Variants in TRIO observed in about 807,000 individuals in gnomAD.
TRIO encodes triple functional domain protein.
TRIO carries 58 observed loss-of-function variants against 351.9 expected under a neutral mutation model. That is an observed-to-expected ratio of 0.16 (90% CI 0.13 to 0.21). The LOEUF is 0.21. TRIO is among the 10% of genes least tolerant of loss of function. TRIO has a pLI of 1.00. For synonymous variants in TRIO, 1,758 were observed against 1,595.7 expected (o/e 1.10, Z -2.42); for missense variants, 3,201 against 4,027.8 (o/e 0.79, Z 5.56).
intron 9 of TRIO, among the ~76,000 whole-genome samples, chr5:14,319,780 A>G (rs1049433875): frequency 4.6e-5 from 7 of 152,200 alleles, no homozygotes; most frequent in African/African-American, 7.2e-5. Flanking sequence ...AAATATGTCT[A>G]TTAGTGGGCC....
rs1165416791 is a variant in TRIO, at chr5:14,275,898, G to A, written c.233-4424G>A. 3.4e-5 allele frequency among the ~76,000 whole-genome samples: 5 copies of A among 145,446 alleles called. No individual in the cohort carries two copies. In the East Asian group the frequency reaches 1.0e-3, roughly 29 times the overall value. ...TATATATATATGTTTATATATATGTGTTTATATATATGTCTATATGTATGT... is the reference window on the plus strand; with the variant it reads ...TATATATATATGTTTATATATATGTATTTATATATATGTCTATATGTATGT... On this transcript the variant is annotated intron_variant, in intron 2 of 56. Transcript: ENST00000344204.
intron 3 of TRIO, among the ~76,000 whole-genome samples, chr5:14,284,262 A>G (rs1736257727): frequency 6.6e-6 from 1 of 152,226 alleles, no homozygotes; most frequent in Non-Finnish European, 1.5e-5. Flanking sequence ...TAACTGGTTA[A>G]TAAGTCACAT....
At position 14,370,145 on chromosome 5, in the gene TRIO, G is replaced by A. The variant is rs548315362; in HGVS notation, c.3216+622G>A. ...TTTCTTTTTTTTTTTTTAATTCAGC[G>A]AAGGGGTCTCACTCTGTCACCCAGG... On this transcript the variant is annotated intron_variant, in intron 18 of 56. Transcript: ENST00000344204. 9.4e-5 allele frequency among the ~76,000 whole-genome samples: 14 copies of A among 149,592 alleles called. No individual in the cohort carries two copies. The East Asian group carries it at 1.2e-3, about 13-fold the overall frequency.
intron 34 of TRIO, among the ~76,000 whole-genome samples, chr5:14,445,056 A>AT (rs986497288): frequency 1.4e-4 from 22 of 152,230 alleles, no homozygotes; most frequent in African/African-American, 5.3e-4. Context: ...TCTTCACTAG[A>AT]TTTTGGGGGA....
chr5:14,221,124 A>G (rs1467566698), intron 1 of TRIO, among the ~76,000 whole-genome samples: 2 of 152,192 alleles, frequency 1.3e-5, no homozygotes, highest in African/African-American at 4.8e-5. Context: ...TACTCTGCCT[A>G]TGTTCTGTAC....
chr5:14,231,737 A>T (rs1297334172), intron 1 of TRIO, among the ~76,000 whole-genome samples: 1 of 152,240 alleles, frequency 6.6e-6, no homozygotes, highest in African/African-American at 2.4e-5. Context: ...TCAAAGTTAT[A>T]GAAAGTTACG....
At chr5:14,491,237 C>T (rs1402292907) in intron 48 of TRIO, among the ~76,000 whole-genome samples, 1 of 152,200 alleles carries the variant, frequency 6.6e-6, no homozygotes, top group Non-Finnish European at 1.5e-5. Context: ...CCGCCACCTG[C>T]TCCAGCGTGT....
chr5:14,174,229 A>AT (rs1259375450), intron 1 of TRIO, among the ~76,000 whole-genome samples: 1 of 152,228 alleles, frequency 6.6e-6, no homozygotes, highest in Non-Finnish European at 1.5e-5. Flanking sequence ...CTACGCTTTC[A>AT]GAGCCTCACT....
intron 19 of TRIO, among the ~76,000 whole-genome samples, chr5:14,376,316 T>C (rs750849460): frequency 1.3e-5 from 2 of 152,244 alleles, no homozygotes; most frequent in African/African-American, 4.8e-5. Context: ...TTTCATAAAC[T>C]TCTAGAGCAA....
chr5:14,236,779 C>T (rs1222866139), intron 1 of TRIO, among the ~76,000 whole-genome samples: 1 of 152,144 alleles, frequency 6.6e-6, no homozygotes, highest in Non-Finnish European at 1.5e-5. Flanking sequence ...GTATATTCAC[C>T]TACAGAGTTG....
chr5:14,345,670 C>T (rs975184700), intron 11 of TRIO, among the ~76,000 whole-genome samples: 7 of 152,168 alleles, frequency 4.6e-5, no homozygotes, highest in Non-Finnish European at 8.8e-5. Context: ...AAGCAGTTCT[C>T]CTGCCTCAGC....
chr5:14,502,650 C>T lies in TRIO; in HGVS notation c.8404C>T (p.Leu2802Phe). 2 of 1,614,180 alleles carry T rather than the reference C, an allele frequency of 1.2e-6. No homozygotes were observed. The highest frequency in any genetic ancestry group is 2.2e-5 in the South Asian group (2 of 91,080). ...FDSFYSEVAE[L>F]GRGRFSVVKK... ...CTCCTTCTACAGTGAAGTGGCTGAG[C>T]TTGGCAGGTATGATGCACAACCCAG... Residue 2802 changes from leucine (L) to phenylalanine (F), a missense_variant, in exon 54 of 57, where the codon CTT (leucine) becomes TTT (phenylalanine). This residue lies in a region of TRIO where 1,089 missense variants were observed against 954.9 expected (regional missense o/e 1.14). Coordinates refer to ENST00000344204, the MANE Select transcript of TRIO (RefSeq NM_007118.4).
chr5:14,403,691 A>G (rs1392950408), intron 31 of TRIO, among the ~76,000 whole-genome samples: 3 of 54,786 alleles, frequency 5.5e-5, no homozygotes, highest in South Asian at 6.7e-4. Flanking sequence ...GGTGGTGGTG[A>G]GGGTGTAGGT....
chr5:14,426,679 C>G (rs60706057), intron 34 of TRIO, among the ~76,000 whole-genome samples: 1 of 152,144 alleles, frequency 6.6e-6, no homozygotes, highest in Non-Finnish European at 1.5e-5. Flanking sequence ...AGCGAGTCTC[C>G]GCAGATGGCC....
At chr5:14,496,470 C>T (rs926079893) in intron 49 of TRIO, among the ~76,000 whole-genome samples, 2 of 152,188 alleles carry the variant, frequency 1.3e-5, no homozygotes, top group African/African-American at 4.8e-5. Flanking sequence ...TTTGTGTTCC[C>T]TTAAGGCCTT....
chr5:14,385,995 A>G (rs375266654), intron 21 of TRIO, among the ~76,000 whole-genome samples: 6 of 152,228 alleles, frequency 3.9e-5, no homozygotes, highest in African/African-American at 1.4e-4. Context: ...GAAACAAGCA[A>G]AGATTTCTGG....
chr5:14,298,329 T>G (rs1048757392), intron 7 of TRIO, among the ~76,000 whole-genome samples: 1 of 152,146 alleles, frequency 6.6e-6, no homozygotes, highest in Non-Finnish European at 1.5e-5. Flanking sequence ...TATCGGAAGG[T>G]GAGCAGCACA....
At chr5:14,480,168 G>T (rs570899742) in intron 43 of TRIO, among the ~76,000 whole-genome samples, 157 bp downstream of exon 43, 1 of 141,666 alleles carries the variant, frequency 7.1e-6, no homozygotes, top group East Asian at 2.1e-4. Flanking sequence ...TAAATCAGCT[G>T]TTAACTGAAG....
intron 30 of TRIO, among the ~76,000 whole-genome samples, chr5:14,400,261 G>C (rs565952025): frequency 1.3e-5 from 2 of 152,160 alleles, no homozygotes; most frequent in African/African-American, 4.8e-5. Context: ...ATCTGTTTTA[G>C]CAGCCAATAC....
Sources: allele counts gnomAD v4.1 joint callset (sites outside exome capture counted in the v4.1 genomes callset), GRCh38; gene constraint gnomAD v4.1.1; regional missense constraint gnomAD v4.1.1; transcripts MANE v1.5; gene names NCBI Gene and HGNC (gene_info 2026-07-23, HGNC 2026-07-21).